The following PAPPA variants were observed in gnomAD, a reference collection of about 807,000 sequenced individuals.
PAPPA encodes pappalysin 1.
PAPPA carries 60 observed loss-of-function variants against 164.0 expected under a neutral mutation model. That is an observed-to-expected ratio of 0.37 (90% CI 0.30 to 0.45). PAPPA has a LOEUF of 0.45. Ranked by LOEUF, PAPPA falls within the 20% of genes least tolerant of loss-of-function variation. The pLI, the probability that PAPPA is intolerant of heterozygous loss-of-function variation, is 1.00. For synonymous variants in PAPPA, 875 were observed against 814.1 expected (o/e 1.07, Z -1.27); for missense variants, 1,782 against 2,087.3 (o/e 0.85, Z 2.85).
Position 116,377,179 on chromosome 9 carries a change from TAC to T in PAPPA, c.4606-385_4606-384del, listed in dbSNP as rs370953038. Among the ~76,000 whole-genome samples the T allele has an allele frequency of 5.3e-5, 8 of 150,846 alleles. No individual in the cohort carries two copies. The South Asian group carries it at 6.3e-4, about 12-fold the overall frequency. On this transcript the variant is annotated intron_variant, in intron 19 of 21. Transcript: ENST00000328252. ...GCAGTCACACACATGTATGCACACATACACACACACACATGCAAACACACACA... is the reference window on the plus strand; with the variant it reads ...GCAGTCACACACATGTATGCACACATACACACACACATGCAAACACACACA...
At chr9:116,170,442 G>A (rs571452116) in intron 1 of PAPPA, among the ~76,000 whole-genome samples, 3 of 151,944 alleles carry the variant, frequency 2.0e-5, no homozygotes, top group African/African-American at 7.3e-5. Flanking sequence ...TTTTAAATAG[G>A]CAAGTACACT....
At chr9:116,175,523 A>T (rs1843824258) in intron 1 of PAPPA, among the ~76,000 whole-genome samples, 1 of 152,232 alleles carries the variant, frequency 6.6e-6, no homozygotes, top group Non-Finnish European at 1.5e-5. Flanking sequence ...ATTAAATACA[A>T]ATACAAATAA....
chr9:116,154,230 G>A lies in PAPPA; in HGVS notation c.58G>A (p.Gly20Arg), dbSNP rs1253979453. ...GCTGCTGAGCGCCGCGCTGGGCTGC[G>A]GGCTGGCCGAGCGTCCCCGCCGGGC... is the stretch of plus-strand genomic sequence containing the variant. ...LGLLSAALGC[G>R]LAERPRRARR... Residue 20 changes from glycine to arginine, a missense_variant, in exon 1 of 22, where the codon GGG (glycine) becomes AGG (arginine). By Grantham distance (125) the Gly-to-Arg change is moderately radical. Around this residue, in one of 2 missense-constraint regions of PAPPA, gnomAD observed 458 missense variants for 430.3 expected, o/e 1.06. Coordinates refer to ENST00000328252, the MANE Select transcript of PAPPA (RefSeq NM_002581.5). The surrounding 1 kb of genome is among the most constrained non-coding windows in gnomAD (Gnocchi z 5.2). 5.6e-6 allele frequency: 8 copies of A among 1,436,820 alleles called. No individual in the cohort carries two copies. Among genetic ancestry groups the A allele is most frequent in the Non-Finnish European group, 6.4e-6 (7 of 1,091,256 alleles). The allele number at this position is 1,436,820 out of a possible 1,614,324, so 89.0% of individuals were successfully genotyped here.
Position 116,398,476 on chromosome 9 carries a change from A to T in PAPPA, c.*1860A>T. The T allele has an allele frequency of 1.4e-6, 1 of 709,436 alleles. No homozygotes were observed. The highest frequency in any genetic ancestry group is 1.9e-6 in the Non-Finnish European group (1 of 534,410). 43.9% of individuals were successfully genotyped at this position (709,436 alleles called of 1,614,324 possible). ...GCAGGTGTTGTTAATCTATCATAGC[A>T]CTTAAAAAAAAAAAAAAAAAGAGAC... On this transcript the variant is annotated 3_prime_UTR_variant, in exon 22 of 22. Transcript: ENST00000328252.
At position 116,398,683 on chromosome 9, in the gene PAPPA, T is replaced by A; in HGVS notation, c.*2067T>A. The A allele has an allele frequency of 3.9e-6, 2 of 508,706 alleles. No homozygotes were observed. Among genetic ancestry groups the A allele is most frequent in the Non-Finnish European group, 7.3e-6 (2 of 275,008 alleles). 31.5% of individuals were successfully genotyped at this position (508,706 alleles called of 1,614,324 possible). ...GCAGTGCTGAGATAGTTTATGAGAC[T>A]TGTACCATTTCACAAACTCTGAAAT... On this transcript the variant is annotated 3_prime_UTR_variant, in exon 22 of 22. Coordinates refer to ENST00000328252, the MANE Select transcript of PAPPA (RefSeq NM_002581.5).
rs367788713 is a variant in PAPPA, at chr9:116,354,524, G to A, written c.4347+731G>A. ...GGGGATAGATTTCAGTGCAGGCGTCGTCTTCAATCAGTCTTTATTGGTCTT... is the reference window on the plus strand; with the variant it reads ...GGGGATAGATTTCAGTGCAGGCGTCATCTTCAATCAGTCTTTATTGGTCTT... On this transcript the variant is annotated intron_variant, in intron 17 of 21. Coordinates refer to ENST00000328252, the MANE Select transcript of PAPPA (RefSeq NM_002581.5). 9.2e-5 allele frequency among the ~76,000 whole-genome samples: 14 copies of A among 152,254 alleles called. No homozygotes were observed. In the East Asian group the frequency reaches 1.7e-3, roughly 19 times the overall value.
chr9:116,392,838 G>GAAGTC (rs1332529263), intron 21 of PAPPA, among the ~76,000 whole-genome samples: 1 of 152,324 alleles, frequency 6.6e-6, no homozygotes, highest in East Asian at 1.9e-4. Flanking sequence ...TGGGGAGGCT[G>GAAGTC]AAGTCCACAA....
At chr9:116,379,247 A>C (rs1846695034) in intron 20 of PAPPA, among the ~76,000 whole-genome samples, 1 of 152,178 alleles carries the variant, frequency 6.6e-6, no homozygotes, top group African/African-American at 2.4e-5. Context: ...TTGTTCTAAT[A>C]GTGCCTTGTC....
intron 7 of PAPPA, among the ~76,000 whole-genome samples, chr9:116,241,256 A>G (rs1429239510): frequency 6.6e-6 from 1 of 152,238 alleles, no homozygotes; most frequent in East Asian, 1.9e-4. Context: ...CTAGGGATTC[A>G]ATAATGAATA....
At chr9:116,364,583 A>C (rs1564242755) in intron 18 of PAPPA, among the ~76,000 whole-genome samples, 1 of 152,206 alleles carries the variant, frequency 6.6e-6, no homozygotes, top group East Asian at 1.9e-4. Context: ...TACAAATCTC[A>C]TACTTCAACA....
At chr9:116,231,921 C>T (rs934609793) in intron 6 of PAPPA, among the ~76,000 whole-genome samples, 4 of 151,738 alleles carry the variant, frequency 2.6e-5, no homozygotes, top group South Asian at 2.1e-4. Context: ...GCCACCACAC[C>T]GAGGTAATTT....
intron 10 of PAPPA, among the ~76,000 whole-genome samples, chr9:116,326,175 A>C (rs1348260710): frequency 6.6e-6 from 1 of 152,186 alleles, no homozygotes; most frequent in East Asian, 1.9e-4. Flanking sequence ...CTCCAACCTG[A>C]GAGGACCTAA....
chr9:116,331,289 C>A lies in PAPPA; in HGVS notation c.3193C>A (p.His1065Asn). The change falls in exon 11 of 22, where the codon CAT (histidine) becomes AAT (asparagine). Residue 1065 changes from histidine to asparagine, a missense_variant. Physicochemically the swap from His to Asn is moderately conservative, Grantham distance 68. This residue lies in a region of PAPPA where 1,324 missense variants were observed against 1,656.9 expected (regional missense o/e 0.80). Transcript: ENST00000328252. ...AGATCTCAGTGAAGGCATTTCCCAG[C>A]ATGCCTGGTACCCTTGCACCATCAG... ...VIDLSEGISQ[H>N]AWYPCTISYP... The A allele has an allele frequency of 1.2e-6, 2 of 1,613,682 alleles. No individual in the cohort carries two copies. Among genetic ancestry groups the A allele is most frequent in the Non-Finnish European group, 8.5e-7 (1 of 1,179,646 alleles).
At chr9:116,171,576 T>C (rs1162648126) in intron 1 of PAPPA, among the ~76,000 whole-genome samples, 1 of 151,120 alleles carries the variant, frequency 6.6e-6, no homozygotes, top group Admixed American at 6.6e-5. Flanking sequence ...AAAAGAACAG[T>C]ATCAGTAGCT....
At chr9:116,203,179 A>C (rs1385929006) in intron 2 of PAPPA, among the ~76,000 whole-genome samples, 2 of 152,322 alleles carry the variant, frequency 1.3e-5, no homozygotes, top group East Asian at 3.9e-4. Context: ...TTTACTTATG[A>C]TACAAAATTG....
intron 10 of PAPPA, among the ~76,000 whole-genome samples, chr9:116,303,789 C>A (rs1845610463): frequency 6.6e-6 from 1 of 152,166 alleles, no homozygotes; most frequent in African/African-American, 2.4e-5. Context: ...AGTCGGGTAG[C>A]CCTGGCTTCT....
At chr9:116,366,788 G>T (rs1846506450) in intron 18 of PAPPA, among the ~76,000 whole-genome samples, 1 of 152,132 alleles carries the variant, frequency 6.6e-6, no homozygotes, top group African/African-American at 2.4e-5. Context: ...ATTCTGTCAT[G>T]GGCACCTAGG....
intron 7 of PAPPA, among the ~76,000 whole-genome samples, chr9:116,238,913 T>C (rs1844704975): frequency 6.6e-6 from 1 of 152,212 alleles, no homozygotes; most frequent in African/African-American, 2.4e-5. Context: ...TTTGTGTGTA[T>C]ATGTGTGTGT....
chr9:116,228,577 CTTTATTT>C (rs1465834016), intron 6 of PAPPA, among the ~76,000 whole-genome samples: 1 of 152,184 alleles, frequency 6.6e-6, no homozygotes, highest in East Asian at 1.9e-4. Flanking sequence ...CGGCACTGCA[CTTTATTT>C]TTTAAAGTAG....
Sources: allele counts gnomAD v4.1 joint callset (sites outside exome capture counted in the v4.1 genomes callset), GRCh38; gene constraint gnomAD v4.1.1; regional missense constraint gnomAD v4.1.1; non-coding constraint Gnocchi (gnomAD v3.1); transcripts MANE v1.5; gene names NCBI Gene and HGNC (gene_info 2026-07-23, HGNC 2026-07-21).